The following SMIM12 variants were observed in gnomAD, a reference collection of about 807,000 sequenced individuals.
The protein encoded by SMIM12 is small integral membrane protein 12, also known as UPF0767 protein C1orf212.
A neutral mutation model predicts 6.3 loss-of-function variants in SMIM12; 5 were observed. The observed-to-expected ratio is 0.80, with a 90% CI of 0.42 to 1.68. SMIM12 has a LOEUF of 1.68. Among genes scored for constraint, SMIM12 ranks in the 40% most tolerant of loss-of-function variants. The pLI, the probability that SMIM12 is intolerant of heterozygous loss-of-function variation, is 0.02. For missense variants in SMIM12, 103 were observed against 121.4 expected, an observed-to-expected ratio of 0.85 and a Z score of 0.71; for synonymous variants, 51 against 48.0, an observed-to-expected ratio of 1.06 and a Z score of -0.26.
In SMIM12 at chr1:34,855,957, G is replaced by A. The variant is rs751549531; in HGVS notation, c.21C>T (p.Thr7=). 15 of 1,548,358 alleles carry A rather than the reference G, an allele frequency of 9.7e-6. No individual in the cohort carries two copies. Among genetic ancestry groups the A allele is most frequent in the Admixed American group, 2.0e-5 (1 of 50,962 alleles). The change falls in exon 2 of 2, where the codon ACC becomes ACT. Residue 7 remains threonine, a synonymous_variant. Transcript: ENST00000521580. MWPVFW[T]VVRTYAPYVT... ...CATAAGGAGCATAGGTACGAACCAC[G>A]GTCCAAAACACAGGCCACATGACAT...
rs1638584113 is a variant in SMIM12, at chr1:34,854,722, C to T, written c.*977G>A. On this transcript the variant is annotated 3_prime_UTR_variant, in exon 2 of 2. Coordinates refer to ENST00000521580, the MANE Select transcript of SMIM12 (RefSeq NM_138428.6). ...AATGTTAACGGTTGTTATTAACGAG[C>T]TGGGAACATGGGTGACCTTTTTAAA... is the stretch of plus-strand genomic sequence containing the variant. 6.5e-6 allele frequency: 1 copy of T among 154,146 alleles called. No individual in the cohort carries two copies. The highest frequency in any genetic ancestry group is 2.0e-4 in the South Asian group (1 of 4,948). 9.5% of individuals were successfully genotyped at this position (154,146 alleles called of 1,614,324 possible). A position where few individuals can be genotyped will look rare whatever the true frequency, so the allele number is the denominator to read the frequency against.
At position 34,855,786 on chromosome 1, in the gene SMIM12, C is replaced by T; in HGVS notation, c.192G>A (p.Lys64=). The change falls in exon 2 of 2, where the codon AAG becomes AAA. Residue 64 remains lysine (K), a synonymous_variant. Coordinates refer to ENST00000521580, the MANE Select transcript of SMIM12 (RefSeq NM_138428.6). ...EDRKLDELLG[K]DHTQVVSLKD... is the part of the protein sequence containing the mutation. ...TAAGGCTCACCACCTGCGTGTGGTC[C>T]TTGCCTAGAAGCTCATCCAGCTTGC... The T allele has an allele frequency of 6.4e-7, 1 of 1,561,078 alleles. No individual in the cohort carries two copies. The highest frequency in any genetic ancestry group is 2.4e-5 in the East Asian group (1 of 41,528).
Position 34,852,811 on chromosome 1 carries a change from T to C in SMIM12, c.*2888A>G, listed in dbSNP as rs533818527. The C allele has an allele frequency of 6.6e-6, 1 of 152,550 alleles. No individual in the cohort carries two copies. Among genetic ancestry groups the C allele is most frequent in the South Asian group, 2.1e-4 (1 of 4,826 alleles). The allele number at this position is 152,550 out of a possible 1,614,324, so 9.4% of individuals were successfully genotyped here. ...AGGTCTATACTTTCTGCCAGCGTGGTGGCTCATTTGTCACCTGACCTCTGT... is the reference window on the plus strand; with the variant it reads ...AGGTCTATACTTTCTGCCAGCGTGGCGGCTCATTTGTCACCTGACCTCTGT... On this transcript the variant is annotated 3_prime_UTR_variant, in exon 2 of 2. Transcript: ENST00000521580.
At chr1:34,856,039 G>C in intron 1 of SMIM12, 57 bp from the exon 2 acceptor site, 2 of 1,482,260 alleles carry the variant, frequency 1.3e-6, no homozygotes, top group Non-Finnish European at 1.8e-6. Context: ...CACCAAATAA[G>C]AGCAACCCAC....
intron 1 of SMIM12, chr1:34,857,835 G>T (rs1390453122): frequency 2.6e-5 from 4 of 152,188 alleles, no homozygotes; most frequent in African/African-American, 9.7e-5. Context: ...GTTTCGGGAT[G>T]AAACTGTTCC....
chr1:34,856,762 T>C (rs1638667199), intron 1 of SMIM12: 2 of 152,226 alleles, frequency 1.3e-5, no homozygotes, highest in African/African-American at 4.8e-5. Flanking sequence ...ATAAGGAGCA[T>C]ATTTAAACAG....
rs533940339 is a variant in SMIM12, at chr1:34,850,381, T to C, written c.*5318A>G. Reference sequence around the variant, plus strand: ...ACATAATTGATGTTAACAAGTTTAATTCAAAAAGAATAAACTGTTTTTTAA... The same window carrying C: ...ACATAATTGATGTTAACAAGTTTAACTCAAAAAGAATAAACTGTTTTTTAA... On this transcript the variant is annotated 3_prime_UTR_variant, in exon 2 of 2. Coordinates refer to ENST00000521580, the MANE Select transcript of SMIM12 (RefSeq NM_138428.6). 1.3e-5 allele frequency among the ~76,000 whole-genome samples: 2 copies of C among 152,216 alleles called. No homozygotes were observed. Among genetic ancestry groups the C allele is most frequent in the Non-Finnish European group, 2.9e-5 (2 of 68,046 alleles).
At chr1:34,856,083 A>AAT in intron 1 of SMIM12, 101 bp from the exon 2 acceptor site, 3 of 1,032,264 alleles carry the variant, frequency 2.9e-6, no homozygotes, top group African/African-American at 3.3e-5. Context: ...GCCTGGCACA[A>AAT]TTTTTTTTTT....
chr1:34,859,079 A>G (rs1638740414), intron 1 of SMIM12: 1 of 152,262 alleles, frequency 6.6e-6, no homozygotes, highest in African/African-American at 2.4e-5. Flanking sequence ...TGATTACAAA[A>G]ACCTAAAGAC....
intron 1 of SMIM12, chr1:34,858,812 C>T (rs1002402381): frequency 6.6e-6 from 1 of 152,250 alleles, no homozygotes; most frequent in African/African-American, 2.4e-5. Context: ...TAACCACTTA[C>T]TCTGTGTCAG....
At position 34,854,305 on chromosome 1, in the gene SMIM12, C is replaced by G. The variant is rs1638569608; in HGVS notation, c.*1394G>C. ...CCCGGGTGACAGAATGAGAGTCCAT[C>G]TCCAAAAAAAAAGAAAAAAGAAACT... On this transcript the variant is annotated 3_prime_UTR_variant, in exon 2 of 2. Coordinates refer to ENST00000521580, the MANE Select transcript of SMIM12 (RefSeq NM_138428.6). 6.6e-6 allele frequency: 1 copy of G among 152,010 alleles called. No individual in the cohort carries two copies. Among genetic ancestry groups the G allele is most frequent in the African/African-American group, 2.4e-5 (1 of 41,356 alleles). The allele number at this position is 152,010 out of a possible 1,614,324, so 9.4% of individuals were successfully genotyped here.
chr1:34,852,242 G>A lies in SMIM12; in HGVS notation c.*3457C>T, dbSNP rs555237654. ...GGATTCCCAAAGATAGGGCTCTCTCGACCAGACACCAAGTGGAGGCCAACG... is the reference window on the plus strand; with the variant it reads ...GGATTCCCAAAGATAGGGCTCTCTCAACCAGACACCAAGTGGAGGCCAACG... On this transcript the variant is annotated 3_prime_UTR_variant, in exon 2 of 2. Coordinates refer to ENST00000521580, the MANE Select transcript of SMIM12 (RefSeq NM_138428.6). 7.9e-5 allele frequency among the ~76,000 whole-genome samples: 12 copies of A among 152,228 alleles called. No homozygotes were observed. The highest frequency in any genetic ancestry group is 1.9e-4 in the East Asian group (1 of 5,172).
rs1274489223 is a variant in SMIM12, at chr1:34,852,851, G to A, written c.*2848C>T. 6.6e-6 allele frequency: 1 copy of A among 152,404 alleles called. No homozygotes were observed. Among genetic ancestry groups the A allele is most frequent in the African/African-American group, 2.4e-5 (1 of 41,426 alleles). 9.4% of individuals were successfully genotyped at this position (152,404 alleles called of 1,614,324 possible). ...CTGACCTCTGTCAGCACTAGTGTTT[G>A]GTTTAGCCCAGGGAAGTGACTGCAG... is the stretch of plus-strand genomic sequence containing the variant. On this transcript the variant is annotated 3_prime_UTR_variant, in exon 2 of 2. Transcript: ENST00000521580.
chr1:34,853,429 G>A lies in SMIM12; in HGVS notation c.*2270C>T, dbSNP rs865777978. On this transcript the variant is annotated 3_prime_UTR_variant, in exon 2 of 2. Coordinates refer to ENST00000521580, the MANE Select transcript of SMIM12 (RefSeq NM_138428.6). ...ACGTCTTCAGTGGTAAGATTTAGTA[G>A]AAACTCCTAGAGCCCTTTTGGAAAG... The A allele has an allele frequency of 6.6e-6, 1 of 152,198 alleles. No individual in the cohort carries two copies. Among genetic ancestry groups the A allele is most frequent in the Non-Finnish European group, 1.5e-5 (1 of 68,034 alleles). The allele number at this position is 152,198 out of a possible 1,614,324, so 9.4% of individuals were successfully genotyped here. A position where few individuals can be genotyped will look rare whatever the true frequency, so the allele number is the denominator to read the frequency against.
At chr1:34,856,083 A>T (rs898721742) in intron 1 of SMIM12, 101 bp from the exon 2 acceptor site, 74 of 1,032,516 alleles carry the variant, frequency 7.2e-5, no homozygotes, top group Non-Finnish European at 8.4e-5. Flanking sequence ...GCCTGGCACA[A>T]TTTTTTTTTT....
chr1:34,857,164 T>G (rs1411597800), intron 1 of SMIM12: 1 of 138,290 alleles, frequency 7.2e-6, no homozygotes. Context: ...CTCCTGAAAA[T>G]ATCACAAATC....
intron 1 of SMIM12, 124 bp downstream of exon 1, chr1:34,859,553 C>G (rs967484397): frequency 6.6e-5 from 10 of 152,474 alleles, no homozygotes; most frequent in African/African-American, 2.4e-4. Flanking sequence ...CCAGAACACC[C>G]GCCAGAGAGG....
At position 34,851,690 on chromosome 1, in the gene SMIM12, G is replaced by A. The variant is rs143714951; in HGVS notation, c.*4009C>T. On this transcript the variant is annotated 3_prime_UTR_variant, in exon 2 of 2. Coordinates refer to ENST00000521580, the MANE Select transcript of SMIM12 (RefSeq NM_138428.6). Reference sequence around the variant, plus strand: ...AGCAACAGGCACAGGAAAGAGTCTAGAAAGAGTGGAAAAGCACCAGACACT... The same window carrying A: ...AGCAACAGGCACAGGAAAGAGTCTAAAAAGAGTGGAAAAGCACCAGACACT... 1.5e-4 allele frequency: 23 copies of A among 152,450 alleles called. No homozygotes were observed. The East Asian group carries it at 4.3e-3, about 28-fold the overall frequency. 9.4% of individuals were successfully genotyped at this position (152,450 alleles called of 1,614,324 possible).
At position 34,851,813 on chromosome 1, in the gene SMIM12, C is replaced by A. The variant is rs2025004; in HGVS notation, c.*3886G>T. 2.6e-5 allele frequency among the ~76,000 whole-genome samples: 4 copies of A among 151,962 alleles called. No individual in the cohort carries two copies. Among genetic ancestry groups the A allele is most frequent in the African/African-American group, 4.8e-5 (2 of 41,356 alleles). On this transcript the variant is annotated 3_prime_UTR_variant, in exon 2 of 2. Transcript: ENST00000521580. Reference sequence around the variant, plus strand: ...TGGGCTGGGAAGAGACGGGGGTAAGCGGGGAGCAAAAAGCCCCAAGCACAT... The same window carrying A: ...TGGGCTGGGAAGAGACGGGGGTAAGAGGGGAGCAAAAAGCCCCAAGCACAT...
Sources: allele counts gnomAD v4.1 joint callset (sites outside exome capture counted in the v4.1 genomes callset), GRCh38; gene constraint gnomAD v4.1.1; transcripts MANE v1.5; gene names NCBI Gene and HGNC (gene_info 2026-07-23, HGNC 2026-07-21).